DST: variants seen among roughly 807,000 people sequenced by gnomAD.
DST encodes bullous pemphigoid antigen.
A neutral mutation model predicts 875.2 loss-of-function variants in DST; 253 were observed. That is an observed-to-expected ratio of 0.29 (90% CI 0.26 to 0.32). The LOEUF (loss-of-function observed/expected upper bound fraction) is 0.32. DST is among the 10% of genes least tolerant of loss of function. DST has a pLI of 1.00. For missense variants in DST, 8,287 were observed against 9,111.6 expected (o/e 0.91, Z 3.68); for synonymous variants, 3,124 against 3,197.1 (o/e 0.98, Z 0.77).
At position 56,473,868 on chromosome 6, in the gene DST, C is replaced by A; in HGVS notation, c.21994+5G>T. On this transcript the variant is annotated splice_donor_5th_base_variant and intron_variant, in intron 93 of 103. Coordinates refer to ENST00000680361, the MANE Select transcript of DST (RefSeq NM_001374736.1). ...GACATTTTAAAGAAATTGATCACTG[C>A]TTACTTCCTGCTCGTCCCTTATCCA... 4 of 1,596,138 alleles carry A rather than the reference C, an allele frequency of 2.5e-6. No homozygotes were observed. The highest frequency in any genetic ancestry group is 3.4e-6 in the Non-Finnish European group (4 of 1,170,292).
In DST at chr6:56,605,268, T is replaced by C; in HGVS notation, c.9360A>G (p.Pro3120=). 6.2e-7 allele frequency: 1 copy of C among 1,610,966 alleles called. No homozygotes were observed. Residue 3120 remains proline, a synonymous_variant, in exon 40 of 104, where the codon CCA becomes CCG. Coordinates refer to ENST00000680361, the MANE Select transcript of DST (RefSeq NM_001374736.1). Reference sequence around the variant, plus strand: ...TACTAACTATTATTTGTAGATTATTTGGTTCATCTTTAAGAGTTACAGTTG... The same window carrying C: ...TACTAACTATTATTTGTAGATTATTCGGTTCATCTTTAAGAGTTACAGTTG... The part of the protein sequence containing the change: ...KKATVTLKDE[P]NNLQIIVSKS...
At chr6:56,546,570 G>A (rs1044444678) in intron 61 of DST, among the ~76,000 whole-genome samples, 2 of 151,208 alleles carry the variant, frequency 1.3e-5, no homozygotes, top group African/African-American at 4.8e-5. Flanking sequence ...GGAGATATGT[G>A]AGAATAGGAT....
intron 2 of DST, among the ~76,000 whole-genome samples, chr6:56,904,876 G>A (rs542631947): frequency 5.9e-5 from 9 of 152,248 alleles, no homozygotes; most frequent in Admixed American, 1.3e-4. Context: ...TGCAACCGCC[G>A]CCTCCCGGGT....
rs115130860 is a variant in DST, at chr6:56,530,809, C to T, written c.17109-676G>A. 8.5e-3 allele frequency among the ~76,000 whole-genome samples: 1,294 copies of T among 152,268 alleles called. 12 individuals carry two copies. Among genetic ancestry groups the T allele is most frequent in the Non-Finnish European group, 0.014 (971 of 68,010 alleles). ...GAGGACTAAAGCTAAAACCTGTTTC[C>T]GCTGTCCTCAGTATTTATCTAGAGC... On this transcript the variant is annotated intron_variant, in intron 64 of 103. Transcript: ENST00000680361.
chr6:56,491,042 T>C (rs1171241768), intron 85 of DST, among the ~76,000 whole-genome samples: 5 of 152,206 alleles, frequency 3.3e-5, no homozygotes, highest in Non-Finnish European at 5.9e-5. Context: ...ACACATGTTA[T>C]TGCACCACAT....
chr6:56,738,710 G>A (rs6922850), intron 4 of DST, among the ~76,000 whole-genome samples: 31 of 151,760 alleles, frequency 2.0e-4, no homozygotes, highest in African/African-American at 7.0e-4. Context: ...CAACCTCCAC[G>A]TCCCTGGACT....
intron 56 of DST, 139 bp downstream of exon 56, chr6:56,561,999 A>C: frequency 2.2e-6 from 1 of 456,408 alleles, no homozygotes; most frequent in Non-Finnish European, 3.8e-6. Context: ...ATTTTTATGG[A>C]GATTGTGACT....
In DST at chr6:56,473,295, C is replaced by T. The variant is rs533483702; in HGVS notation, c.21994+578G>A. Among the ~76,000 whole-genome samples, 18 of 152,250 alleles carry T rather than the reference C, an allele frequency of 1.2e-4. No homozygotes were observed. In the South Asian group the frequency reaches 2.1e-3, roughly 18 times the overall value. On this transcript the variant is annotated intron_variant, in intron 93 of 103. Coordinates refer to ENST00000680361, the MANE Select transcript of DST (RefSeq NM_001374736.1). ...TTTTTAATTAAAAAATTAAGTAATA[C>T]GCAAAATGCATTTCTATTCAGAAAC... is the stretch of plus-strand genomic sequence containing the variant.
At chr6:56,702,359 G>A (rs2099312350) in intron 7 of DST, among the ~76,000 whole-genome samples, 1 of 151,750 alleles carries the variant, frequency 6.6e-6, no homozygotes, top group Middle Eastern at 3.4e-3. Context: ...CTATTAGCAA[G>A]AGGGTTTTTA....
At chr6:56,872,733 G>T (rs1251091774) in intron 3 of DST, among the ~76,000 whole-genome samples, 1 of 151,666 alleles carries the variant, frequency 6.6e-6, no homozygotes, top group Non-Finnish European at 1.5e-5. Context: ...TTGAGTGGGG[G>T]TGTATAGGTA....
At chr6:56,802,155 T>C (rs1472526728) in intron 4 of DST, among the ~76,000 whole-genome samples, 1 of 152,200 alleles carries the variant, frequency 6.6e-6, no homozygotes, top group East Asian at 1.9e-4. Context: ...TTAATTTTTA[T>C]ATTTAAGGAA....
chr6:56,746,119 C>T (rs2099571647), intron 4 of DST, among the ~76,000 whole-genome samples: 1 of 151,992 alleles, frequency 6.6e-6, no homozygotes, highest in African/African-American at 2.4e-5. Flanking sequence ...GTAGCTGGGT[C>T]TATATAGGCA....
At position 56,642,473 on chromosome 6, in the gene DST, T is replaced by C; in HGVS notation, c.1809A>G (p.Arg603=). 1 of 1,613,788 alleles carries C rather than the reference T, an allele frequency of 6.2e-7. No individual in the cohort carries two copies. The highest frequency in any genetic ancestry group is 8.5e-7 in the Non-Finnish European group (1 of 1,179,678). The change falls in exon 16 of 104, where the codon AGA becomes AGG. Residue 603 remains arginine, a synonymous_variant. Coordinates refer to ENST00000680361, the MANE Select transcript of DST (RefSeq NM_001374736.1). ...RLEMLQQIAN[R]VQRDSVICED... ...CACAGATGACACTGTCCCTCTGAAC[T>C]CTGTTGGCAATCTGTTGCAACATTT...
rs766300904 is a variant in DST, at chr6:56,619,951, T to C, written c.4929+4579A>G. On this transcript the variant is annotated intron_variant, in intron 36 of 103. Transcript: ENST00000680361. ...CATCTACCTGCTGTTTGAGTTCTTC[T>C]GCTTTCTGCTTGTCATGTTCTTGCT... 1 of 1,614,204 alleles carries C rather than the reference T, an allele frequency of 6.2e-7. No individual in the cohort carries two copies. Among genetic ancestry groups the C allele is most frequent in the Admixed American group, 1.7e-5 (1 of 60,028 alleles).
intron 9 of DST, among the ~76,000 whole-genome samples, chr6:56,691,093 G>A (rs934917881): frequency 2.6e-5 from 4 of 152,130 alleles, no homozygotes; most frequent in African/African-American, 9.7e-5. Context: ...TGAAGGAAAG[G>A]CTAATGTACC....
chr6:56,718,035 G>T (rs180878283), intron 5 of DST, among the ~76,000 whole-genome samples: 1 of 152,164 alleles, frequency 6.6e-6, no homozygotes, highest in Admixed American at 6.5e-5. Flanking sequence ...TGTTTGAGAC[G>T]AGTTTGAGAC....
chr6:56,805,594 A>AGCATGGGAT (rs2099752153), intron 4 of DST, among the ~76,000 whole-genome samples: 2 of 152,358 alleles, frequency 1.3e-5, no homozygotes, highest in African/African-American at 4.8e-5. Flanking sequence ...GAATAAGACA[A>AGCATGGGAT]GCATGGGATG....
At position 56,935,467 on chromosome 6, in the gene DST, T is replaced by A. The variant is rs1011324160; in HGVS notation, c.216+18318A>T. ...TGGTCAGTTAGTTATTTAAAACTTG[T>A]TAATGGTCTACTGCTTAATTACTTC... On this transcript the variant is annotated intron_variant, in intron 2 of 103. Transcript: ENST00000680361. Among the ~76,000 whole-genome samples the A allele has an allele frequency of 4.6e-5, 7 of 152,380 alleles. No homozygotes were observed. In the South Asian group the frequency reaches 1.0e-3, roughly 23 times the overall value.
rs1301999896 is a variant in DST at position 56,605,079 on chromosome 6, G to C, written c.9549C>G (p.Tyr3183Ter). The C allele has an allele frequency of 2.5e-6, 4 of 1,612,728 alleles. No individual in the cohort carries two copies. The highest frequency in any genetic ancestry group is 1.3e-5 in the African/African-American group (1 of 74,978). The change falls in exon 40 of 104, where the codon TAC becomes TAG. Residue 3183 changes from tyrosine (Y) to a stop codon, truncating the protein, a stop_gained. Transcript: ENST00000680361. LOFTEE classifies it high-confidence loss of function. The part of the protein sequence containing the change: ...GPEKELDLFT[Y>*]LKHCAKNIKA... Reference sequence around the variant, plus strand: ...TTATATTTTTAGCACAATGTTTTAAGTAAGTAAACAGATCAAGCTCTTTCT... The same window carrying C: ...TTATATTTTTAGCACAATGTTTTAACTAAGTAAACAGATCAAGCTCTTTCT...
Sources: gnomAD v4.1 joint callset for allele counts (sites outside exome capture counted in the v4.1 genomes callset) on GRCh38, gnomAD v4.1.1 for gene constraint, MANE v1.5 for transcripts, NCBI Gene and HGNC (gene_info 2026-07-23, HGNC 2026-07-21) for gene names.